The following DPH1 variants were observed in gnomAD, a reference collection of about 807,000 sequenced individuals.
DPH1 encodes the protein diphthamide biosynthesis 1, also known as 2-(3-amino-3-carboxypropyl)histidine synthase subunit 1.
DPH1 carries 59 observed loss-of-function variants against 55.3 expected under a neutral mutation model. The ratio of observed to expected loss-of-function variants is 1.07; its 90% CI spans 0.87 to 1.33. The LOEUF is 1.33. Ranked by LOEUF, DPH1 falls within the 40% of genes most tolerant of loss-of-function variation. DPH1 has a pLI of 0.00. For missense variants in DPH1, 628 were observed against 584.8 expected (o/e 1.07, Z -0.76); for synonymous variants, 238 against 235.5 (o/e 1.01, Z -0.10).
At chr17:2,033,879 G>T in intron 3 of DPH1, 37 bp downstream of exon 3, 1 of 1,611,984 alleles carries the variant, frequency 6.2e-7, no homozygotes, top group Non-Finnish European at 8.5e-7. Flanking sequence ...GGTGAGCCAG[G>T]CTTCCCCCAC....
chr17:2,033,980 C>A, intron 3 of DPH1, 138 bp downstream of exon 3: 1 of 946,566 alleles, frequency 1.1e-6, no homozygotes, highest in South Asian at 1.5e-5. Flanking sequence ...CTCCCACAAC[C>A]ATACACACAC....
At position 2,039,624 on chromosome 17, in the gene DPH1, G is replaced by A. The variant is rs1222837410; in HGVS notation, c.681-131G>A. ...GATCTCCTGACCTCATGATCCGCCC[G>A]CCTCGGTCTCCCAAAGTGCTGGGAT... On this transcript the variant is annotated intron_variant, in intron 6 of 12. Coordinates refer to ENST00000263083, the MANE Select transcript of DPH1 (RefSeq NM_001383.6). 6.0e-5 allele frequency: 61 copies of A among 1,013,416 alleles called. No homozygotes were observed. In the South Asian group the frequency reaches 6.7e-4, roughly 11 times the overall value. The allele number at this position is 1,013,416 out of a possible 1,614,324, so 62.8% of individuals were successfully genotyped here.
chr17:2,042,514 G>A, intron 12 of DPH1, 91 bp from the exon 13 acceptor site: 1 of 1,441,572 alleles, frequency 6.9e-7, no homozygotes, highest in South Asian at 1.7e-5. Context: ...TTTTCTCTCT[G>A]TCATCTCGAA....
chr17:2,035,471 T>TGGTGGG (rs2067405239), intron 3 of DPH1, among the ~76,000 whole-genome samples: 2 of 12,260 alleles, frequency 1.6e-4, no homozygotes, highest in African/African-American at 2.4e-4. Context: ...GGGGTCCGGG[T>TGGTGGG]GAGGGGGCCC....
chr17:2,036,722 T>G lies in DPH1; in HGVS notation c.558+36T>G. On this transcript the variant is annotated intron_variant, in intron 5 of 12. Coordinates refer to ENST00000263083, the MANE Select transcript of DPH1 (RefSeq NM_001383.6). The surrounding 1 kb of genome is among the most constrained non-coding windows in gnomAD (Gnocchi z 4.8). ...CGAGGATCCTCGGCCTCCTGCAGGGTGGACAGCGGCCACTCTCCAGCTGTT... is the reference window on the plus strand; with the variant it reads ...CGAGGATCCTCGGCCTCCTGCAGGGGGGACAGCGGCCACTCTCCAGCTGTT... The G allele has an allele frequency of 6.2e-7, 1 of 1,611,650 alleles. No homozygotes were observed. The highest frequency in any genetic ancestry group is 8.5e-7 in the Non-Finnish European group (1 of 1,178,824).
chr17:2,040,547 A>C lies in DPH1; in HGVS notation c.949A>C (p.Arg317=), dbSNP rs777949712. 2.5e-6 allele frequency: 4 copies of C among 1,614,034 alleles called. No homozygotes were observed. In the African/African-American group the frequency reaches 5.3e-5, roughly 22 times the overall value. ...CCGAGCCTTGGGCCTTTCCTTTGTG[A>C]GGCTGCTGCTCTCTGAGATCTTCCC... is the stretch of plus-strand genomic sequence containing the variant. ...RLRALGLSFV[R]LLLSEIFPSK... is the part of the protein sequence containing the mutation. Residue 317 remains arginine, a synonymous_variant, in exon 9 of 13, where the codon AGG becomes CGG. Transcript: ENST00000263083.
intron 11 of DPH1, 30 bp downstream of exon 11, chr17:2,041,651 G>T: frequency 6.3e-7 from 1 of 1,592,472 alleles, no homozygotes; most frequent in South Asian, 1.1e-5. Context: ...AGGGAGGAGA[G>T]ACCGCGCCTG....
At chr17:2,033,412 G>C in intron 1 of DPH1, 93 bp from the exon 2 acceptor site, 2 of 1,590,714 alleles carry the variant, frequency 1.3e-6, no homozygotes, top group Non-Finnish European at 8.5e-7. Context: ...CTTGAGCGGG[G>C]GCACCGGCAG....
At chr17:2,040,013 C>T (rs1425192258) in intron 7 of DPH1, among the ~76,000 whole-genome samples, 190 bp downstream of exon 7, 1 of 152,244 alleles carries the variant, frequency 6.6e-6, no homozygotes, top group African/African-American at 2.4e-5. Flanking sequence ...CTGGGGTTTA[C>T]ACGGAGATCT....
At position 2,036,982 on chromosome 17, in the gene DPH1, A is replaced by G. The variant is rs909688527; in HGVS notation, c.680+26A>G. The G allele has an allele frequency of 1.2e-6, 2 of 1,606,298 alleles. No individual in the cohort carries two copies. Among genetic ancestry groups the G allele is most frequent in the Non-Finnish European group, 8.5e-7 (1 of 1,177,022 alleles). On this transcript the variant is annotated intron_variant, in intron 6 of 12. Coordinates refer to ENST00000263083, the MANE Select transcript of DPH1 (RefSeq NM_001383.6). This position sits in a 1 kb window ranked among gnomAD's most constrained non-coding sequence, Gnocchi z 4.8. ...GTAAGTTAAAAATGGGGGCCAAGTAAGTCCTAGAGACATGCGTGTACCCTG... is the reference window on the plus strand; with the variant it reads ...GTAAGTTAAAAATGGGGGCCAAGTAGGTCCTAGAGACATGCGTGTACCCTG...
At position 2,036,937 on chromosome 17, in the gene DPH1, A is replaced by G. The variant is rs1474450764; in HGVS notation, c.661A>G (p.Lys221Glu). ...GGGCTGCACATCCCCCCGACTGTCC[A>G]AAGAGGTGGAGGCCGTTGTGTAAGT... is the stretch of plus-strand genomic sequence containing the variant. ...ILGCTSPRLS[K>E]EVEAVVYLGD... The change falls in exon 6 of 13, where the codon AAA (lysine) becomes GAA (glutamate). Residue 221 changes from lysine to glutamate, a missense_variant. Lys to Glu is a moderately conservative substitution (Grantham distance 56). Transcript: ENST00000263083. The surrounding 1 kb of genome is among the most constrained non-coding windows in gnomAD (Gnocchi z 4.8). The G allele has an allele frequency of 6.2e-7, 1 of 1,613,528 alleles. No homozygotes were observed. Among genetic ancestry groups the G allele is most frequent in the African/African-American group, 1.3e-5 (1 of 74,900 alleles).
intron 6 of DPH1, 49 bp downstream of exon 6, chr17:2,037,005 C>G: frequency 1.3e-6 from 2 of 1,573,250 alleles, no homozygotes; most frequent in Non-Finnish European, 1.7e-6. Flanking sequence ...TGCGTGTACC[C>G]TGGGAGGGAG....
At chr17:2,033,374 G>A (rs1054137952) in intron 1 of DPH1, 131 bp from the exon 2 acceptor site, 13 of 1,413,936 alleles carry the variant, frequency 9.2e-6, no homozygotes, top group Admixed American at 2.1e-5. Flanking sequence ...GATTTTTCTT[G>A]AGATGACTCA....
intron 1 of DPH1, 106 bp from the exon 2 acceptor site, chr17:2,033,399 A>G (rs771240883): frequency 9.6e-6 from 15 of 1,563,226 alleles, no homozygotes; most frequent in African/African-American, 4.1e-5. Flanking sequence ...TTTTATTTCT[A>G]TGCTTGAGCG....
rs929639649 is a variant in DPH1 at position 2,041,145 on chromosome 17, C to A, written c.1050C>A (p.Gly350=). The change falls in exon 10 of 13, where the codon GGC becomes GGA. Residue 350 remains glycine, a synonymous_variant. Transcript: ENST00000263083. ...VACPRLSIDW[G]TAFPKPLLTP... Reference sequence around the variant, plus strand: ...GTCCACGTCTCTCCATTGACTGGGGCACAGCCTTCCCCAAGCCGCTGCTGA... The same window carrying A: ...GTCCACGTCTCTCCATTGACTGGGGAACAGCCTTCCCCAAGCCGCTGCTGA... 4.0e-5 allele frequency: 65 copies of A among 1,605,922 alleles called. No individual in the cohort carries two copies. Among genetic ancestry groups the A allele is most frequent in the Non-Finnish European group, 5.2e-5 (61 of 1,176,468 alleles).
chr17:2,042,617 C>G lies in DPH1; in HGVS notation c.*31C>G. 1 of 1,519,648 alleles carries G rather than the reference C, an allele frequency of 6.6e-7. No individual in the cohort carries two copies. The allele number at this position is 1,519,648 out of a possible 1,614,324, so 94.1% of individuals were successfully genotyped here. A position where few individuals can be genotyped will look rare whatever the true frequency, so the allele number is the denominator to read the frequency against. On this transcript the variant is annotated 3_prime_UTR_variant, in exon 13 of 13. Transcript: ENST00000263083. ...CATATCGCTGTAGGGTCCTGCCCTC[C>G]GGAGGAGCAGCCTCGAGGCTGGTGG...
chr17:2,042,189 G>A (rs754623230), intron 12 of DPH1: 9 of 1,435,258 alleles, frequency 6.3e-6, no homozygotes, highest in Non-Finnish European at 8.2e-6. Flanking sequence ...CCCGCACCCG[G>A]TCCCCGACCC....
In DPH1 at chr17:2,043,377, C is replaced by G; in HGVS notation, c.*791C>G. 2.4e-6 allele frequency: 1 copy of G among 420,038 alleles called. No individual in the cohort carries two copies. The highest frequency in any genetic ancestry group is 2.0e-5 in the African/African-American group (1 of 50,036). The allele number at this position is 420,038 out of a possible 1,614,324, so 26.0% of individuals were successfully genotyped here. On this transcript the variant is annotated 3_prime_UTR_variant, in exon 13 of 13. Transcript: ENST00000263083. Reference sequence around the variant, plus strand: ...GATTAGGAGGGTGACATGGGGAAGGCAGAGGCTGGCACCATGGTGACTGCC... The same window carrying G: ...GATTAGGAGGGTGACATGGGGAAGGGAGAGGCTGGCACCATGGTGACTGCC...
In DPH1 at chr17:2,030,224, G is replaced by T; in HGVS notation, c.55G>T (p.Gly19Cys). The change falls in exon 1 of 13, where the codon GGC becomes TGC. Residue 19 changes from glycine (G) to cysteine (C), a missense_variant. Coordinates refer to ENST00000263083, the MANE Select transcript of DPH1 (RefSeq NM_001383.6). Reference sequence around the variant, plus strand: ...GGAGCAGGGCGGCCGAGACGGCCCTGGCAGAGGTGGGTGCTGGAACGCTGC... The same window carrying T: ...GGAGCAGGGCGGCCGAGACGGCCCTTGCAGAGGTGGGTGCTGGAACGCTGC... Reference protein sequence around the residue: ...AAEQGGRDGPGRGRAPRGRVA... With the variant: ...AAEQGGRDGPCRGRAPRGRVA... 1 of 1,584,450 alleles carries T rather than the reference G, an allele frequency of 6.3e-7. No homozygotes were observed. The highest frequency in any genetic ancestry group is 8.6e-7 in the Non-Finnish European group (1 of 1,166,076).
Sources: gnomAD v4.1 joint callset for allele counts (sites outside exome capture counted in the v4.1 genomes callset) on GRCh38, gnomAD v4.1.1 for gene constraint, Gnocchi (gnomAD v3.1) non-coding constraint, MANE v1.5 for transcripts, NCBI Gene and HGNC (gene_info 2026-07-23, HGNC 2026-07-21) for gene names.